NEK1: variants seen among roughly 807,000 people sequenced by gnomAD.
The protein encoded by NEK1 is serine/threonine-protein kinase Nek1.
Under a neutral mutation model 182.1 loss-of-function variants are expected in NEK1, and 137 were observed. The ratio of observed to expected loss-of-function variants is 0.75; its 90% CI spans 0.65 to 0.87. The LOEUF (loss-of-function observed/expected upper bound fraction) is 0.87, where lower values mean the gene tolerates loss of function less well. Among genes scored for constraint, NEK1 ranks in the 40% least tolerant of loss-of-function variants. The pLI, the probability that NEK1 is intolerant of heterozygous loss-of-function variation, is 0.00. For synonymous variants in NEK1, 513 were observed against 492.2 expected (o/e 1.04, Z -0.56); for missense variants, 1,391 against 1,494.4 (o/e 0.93, Z 1.14).
chr4:169,446,771 T>C (rs1334723267), intron 27 of NEK1, among the ~76,000 whole-genome samples: 2 of 152,068 alleles, frequency 1.3e-5, no homozygotes, highest in African/African-American at 4.8e-5. Flanking sequence ...GGCATACTGA[T>C]GAATGCATAA....
At chr4:169,595,436 G>A (rs1769273661) in intron 5 of NEK1, among the ~76,000 whole-genome samples, 1 of 152,036 alleles carries the variant, frequency 6.6e-6, no homozygotes. Context: ...TCAGAATTCA[G>A]AAGCAAATAG....
chr4:169,507,209 T>C, intron 22 of NEK1, 77 bp from the exon 23 acceptor site: 1 of 758,680 alleles, frequency 1.3e-6, no homozygotes, highest in Non-Finnish European at 1.9e-6. Context: ...TTGGGCCAGG[T>C]CTATGAAGAT....
chr4:169,488,054 T>C (rs997515386), intron 23 of NEK1, among the ~76,000 whole-genome samples: 6 of 152,176 alleles, frequency 3.9e-5, no homozygotes, highest in African/African-American at 1.4e-4. Context: ...TTTAAGTTCC[T>C]TGTAGACTCT....
At chr4:169,409,237 C>T (rs1579363023) in intron 31 of NEK1, among the ~76,000 whole-genome samples, 4 of 152,040 alleles carry the variant, frequency 2.6e-5, no homozygotes, top group Admixed American at 6.5e-5. Context: ...CTCCGCCTCC[C>T]GGGTTCACGC....
At chr4:169,575,403 G>A (rs527254977) in intron 12 of NEK1, among the ~76,000 whole-genome samples, 2 of 152,306 alleles carry the variant, frequency 1.3e-5, no homozygotes, top group African/African-American at 4.8e-5. Context: ...CCTGATTAGT[G>A]TGTTTCCTTT....
At chr4:169,611,688 C>G (rs1772347502) in intron 2 of NEK1, among the ~76,000 whole-genome samples, 1 of 152,186 alleles carries the variant, frequency 6.6e-6, no homozygotes, top group Non-Finnish European at 1.5e-5. Flanking sequence ...AACCAGCTAA[C>G]TACTACTCAT....
intron 16 of NEK1, 122 bp downstream of exon 16, chr4:169,561,358 C>G: frequency 1.3e-6 from 1 of 794,134 alleles, no homozygotes; most frequent in Non-Finnish European, 2.1e-6. Flanking sequence ...TTAAAGAATT[C>G]TAGGTAAAAA....
intron 2 of NEK1, among the ~76,000 whole-genome samples, chr4:169,604,647 TTTTAAC>T (rs1027089415): frequency 3.9e-5 from 6 of 152,212 alleles, no homozygotes; most frequent in Admixed American, 1.3e-4. Context: ...CCAAATTTGT[TTTTAAC>T]TTTATTTTGC....
chr4:169,493,243 G>A (rs1750458634), intron 23 of NEK1, among the ~76,000 whole-genome samples: 1 of 152,026 alleles, frequency 6.6e-6, no homozygotes, highest in Admixed American at 6.6e-5. Context: ...AGCCAATCGA[G>A]CATACACAAC....
chr4:169,449,640 A>G (rs982837534), intron 27 of NEK1, among the ~76,000 whole-genome samples: 3 of 151,770 alleles, frequency 2.0e-5, no homozygotes, highest in African/African-American at 7.3e-5. Context: ...ACATCAACAA[A>G]AAGGTAATCT....
chr4:169,456,315 G>T (rs1480118714), intron 27 of NEK1, among the ~76,000 whole-genome samples: 4 of 151,838 alleles, frequency 2.6e-5, no homozygotes, highest in African/African-American at 4.8e-5. Context: ...AACTACAAAA[G>T]CAAGAGCAAA....
intron 12 of NEK1, among the ~76,000 whole-genome samples, chr4:169,569,616 C>A (rs549719871): frequency 4.6e-5 from 7 of 152,136 alleles, no homozygotes; most frequent in East Asian, 3.9e-4. Flanking sequence ...CTCAGCCTGC[C>A]GAGTGCCTGC....
At chr4:169,488,861 A>C (rs1046311062) in intron 23 of NEK1, among the ~76,000 whole-genome samples, 2 of 151,978 alleles carry the variant, frequency 1.3e-5, no homozygotes, top group Non-Finnish European at 2.9e-5. Flanking sequence ...AACTTTAATC[A>C]ATTTTTTTTT....
chr4:169,446,179 CTAG>C (rs988689908), intron 27 of NEK1, among the ~76,000 whole-genome samples: 6 of 151,132 alleles, frequency 4.0e-5, no homozygotes, highest in African/African-American at 1.5e-4. Flanking sequence ...AAAAGCAAAA[CTAG>C]TAGAAGAAAT....
intron 19 of NEK1, among the ~76,000 whole-genome samples, chr4:169,528,955 C>T (rs1422176248): frequency 1.3e-5 from 2 of 151,868 alleles, no homozygotes; most frequent in East Asian, 1.9e-4. Flanking sequence ...AACCAGAAAA[C>T]GACAACAGAG....
intron 18 of NEK1, among the ~76,000 whole-genome samples, chr4:169,542,655 C>T (rs1050332046): frequency 1.3e-5 from 2 of 151,720 alleles, no homozygotes; most frequent in East Asian, 1.9e-4. Flanking sequence ...ACATCCTCTC[C>T]AGCATCTGTT....
chr4:169,499,207 T>C (rs1030217855), intron 23 of NEK1, among the ~76,000 whole-genome samples: 1 of 152,268 alleles, frequency 6.6e-6, no homozygotes, highest in African/African-American at 2.4e-5. Context: ...TACTGAGGCT[T>C]GTGCATTCGT....
intron 19 of NEK1, among the ~76,000 whole-genome samples, chr4:169,533,413 C>A (rs1410707057): frequency 6.6e-6 from 1 of 152,212 alleles, no homozygotes; most frequent in Non-Finnish European, 1.5e-5. Context: ...CATGAACACA[C>A]TAGCAAAGGT....
intron 35 of NEK1, among the ~76,000 whole-genome samples, chr4:169,397,960 A>G (rs77247479): frequency 6.6e-6 from 1 of 152,334 alleles, no homozygotes; most frequent in Non-Finnish European, 1.5e-5. Flanking sequence ...GAGGTGGAAT[A>G]GTCTGAATAT....
Sources: gnomAD v4.1 joint callset for allele counts (sites outside exome capture counted in the v4.1 genomes callset) on GRCh38, gnomAD v4.1.1 for gene constraint, MANE v1.5 for transcripts, NCBI Gene and HGNC (gene_info 2026-07-23, HGNC 2026-07-21) for gene names.